Variants in SMG1 observed in about 807,000 individuals in gnomAD.
SMG1 encodes SMG1 nonsense mediated mRNA decay associated PI3K related kinase.
Under a neutral mutation model 419.9 loss-of-function variants are expected in SMG1, and 22 were observed. The ratio of observed to expected loss-of-function variants is 0.05; its 90% CI spans 0.04 to 0.07. The LOEUF is 0.07. Ranked by LOEUF, SMG1 falls within the 10% of genes least tolerant of loss-of-function variation. The pLI, the probability that SMG1 is intolerant of heterozygous loss-of-function variation, is 1.00. For missense variants in SMG1, 3,185 were observed against 4,342.0 expected (o/e 0.73, Z 7.49); for synonymous variants, 1,538 against 1,553.5 (o/e 0.99, Z 0.23).
chr16:18,827,109 T>C (rs1375028653), intron 55 of SMG1, among the ~76,000 whole-genome samples: 2 of 152,068 alleles, frequency 1.3e-5, no homozygotes, highest in Non-Finnish European at 2.9e-5. Context: ...TACTATAAGA[T>C]TCAGTTACCT....
intron 3 of SMG1, among the ~76,000 whole-genome samples, chr16:18,893,678 C>T (rs1410908847): frequency 6.6e-6 from 1 of 151,772 alleles, no homozygotes; most frequent in Non-Finnish European, 1.5e-5. Context: ...TGCTATTTAC[C>T]ATAATTAGCC....
At position 18,882,340 on chromosome 16, in the gene SMG1, TA is replaced by T; in HGVS notation, c.1120-3del. 1 of 1,580,774 alleles carries T rather than the reference TA, an allele frequency of 6.3e-7. No homozygotes were observed. Among genetic ancestry groups the T allele is most frequent in the Non-Finnish European group, 8.6e-7 (1 of 1,163,620 alleles). On this transcript the variant is annotated splice_polypyrimidine_tract_variant and splice_region_variant and intron_variant, in intron 9 of 62. Coordinates refer to ENST00000446231, the MANE Select transcript of SMG1 (RefSeq NM_015092.5). ...CCCAGAGGCCACATGGCTGAGGTCCTAGATGTGAATTCACAGCATTCTTAAT... is the reference window on the plus strand; with the variant it reads ...CCCAGAGGCCACATGGCTGAGGTCCTGATGTGAATTCACAGCATTCTTAAT...
chr16:18,859,791 C>A, intron 26 of SMG1, 88 bp from the exon 27 acceptor site: 2 of 813,440 alleles, frequency 2.5e-6, no homozygotes, highest in Non-Finnish European at 3.9e-6. Flanking sequence ...AACTAATCAC[C>A]AATGAACAGC....
intron 1 of SMG1, among the ~76,000 whole-genome samples, chr16:18,919,671 C>T (rs1379889102): frequency 0.013 from 1,280 of 101,746 alleles, 28 homozygotes; most frequent in African/African-American, 0.041. Context: ...CACACACACA[C>T]ACACACACAC....
At chr16:18,853,432 G>T in intron 31 of SMG1, 151 bp downstream of exon 31, 1 of 739,496 alleles carries the variant, frequency 1.4e-6, no homozygotes, top group Non-Finnish European at 2.0e-6. Flanking sequence ...TCCTAAATAT[G>T]TTTTAGTTAT....
intron 1 of SMG1, among the ~76,000 whole-genome samples, chr16:18,915,520 T>C (rs1480623675): frequency 1.3e-5 from 2 of 151,996 alleles, no homozygotes; most frequent in Non-Finnish European, 2.9e-5. Flanking sequence ...GACACAAATA[T>C]AGAGTGGATG....
chr16:18,849,457 G>C, intron 35 of SMG1, 79 bp from the exon 36 acceptor site: 4 of 1,309,764 alleles, frequency 3.1e-6, no homozygotes, highest in Non-Finnish European at 4.3e-6. Context: ...AGATCAAACA[G>C]ATAAAACGTG....
intron 9 of SMG1, 46 bp downstream of exon 9, chr16:18,884,024 T>C (rs905252008): frequency 1.2e-5 from 10 of 832,018 alleles, no homozygotes; most frequent in African/African-American, 1.8e-5. Context: ...CAATTTAAGA[T>C]TTTTTCTTAA....
Position 18,897,068 on chromosome 16 carries a change from A to T in SMG1, c.93-112T>A, listed in dbSNP as rs115691030. 2,792 of 710,134 alleles carry T rather than the reference A, an allele frequency of 3.9e-3. 75 individuals carry two copies. In the African/African-American group the frequency reaches 0.046, roughly 12 times the overall value. The allele number at this position is 710,134 out of a possible 1,614,324, so 44.0% of individuals were successfully genotyped here. A position where few individuals can be genotyped will look rare whatever the true frequency, so the allele number is the denominator to read the frequency against. ...ACATTTAACCATTACTATTTAGTGT[A>T]ATATGTACTATATATTATATGTAAG... is the stretch of plus-strand genomic sequence containing the variant. On this transcript the variant is annotated intron_variant, in intron 1 of 62. Coordinates refer to ENST00000446231, the MANE Select transcript of SMG1 (RefSeq NM_015092.5).
At chr16:18,812,947 G>T (rs1344238734) in intron 60 of SMG1, among the ~76,000 whole-genome samples, 2 of 152,024 alleles carry the variant, frequency 1.3e-5, no homozygotes. Flanking sequence ...GCGATAGTTT[G>T]CTGAGAATGA....
chr16:18,884,226 A>C (rs2036524714), intron 8 of SMG1, 59 bp from the exon 9 acceptor site: 1 of 809,750 alleles, frequency 1.2e-6, no homozygotes, highest in Non-Finnish European at 2.0e-6. Flanking sequence ...CAAAAAATCC[A>C]AATTAAAAAA....
chr16:18,808,119 A>G lies in SMG1; in HGVS notation c.*1450T>C, dbSNP rs1402750476. 1.3e-5 allele frequency: 2 copies of G among 152,188 alleles called. No homozygotes were observed. The highest frequency in any genetic ancestry group is 4.8e-5 in the African/African-American group (2 of 41,456). 9.4% of individuals were successfully genotyped at this position (152,188 alleles called of 1,614,324 possible). A position where few individuals can be genotyped will look rare whatever the true frequency, so the allele number is the denominator to read the frequency against. On this transcript the variant is annotated 3_prime_UTR_variant, in exon 63 of 63. Transcript: ENST00000446231. Reference sequence around the variant, plus strand: ...ATTGATACTTGATTTTAAGAACCCTATTCTAGTCTGGGTTTTTATTTTGGA... The same window carrying G: ...ATTGATACTTGATTTTAAGAACCCTGTTCTAGTCTGGGTTTTTATTTTGGA...
chr16:18,884,206 A>G (rs776534818), intron 8 of SMG1, 39 bp from the exon 9 acceptor site: 5 of 1,020,078 alleles, frequency 4.9e-6, no homozygotes, highest in South Asian at 1.4e-5. Flanking sequence ...GGTAGGGGGG[A>G]AAAAAACACC....
chr16:18,892,095 G>A (rs1332794794), intron 4 of SMG1, 123 bp downstream of exon 4: 4 of 736,882 alleles, frequency 5.4e-6, no homozygotes, highest in South Asian at 3.2e-5. Flanking sequence ...ACATATTAGA[G>A]AGCATTAAGT....
At chr16:18,848,677 T>A (rs2034407509) in intron 36 of SMG1, among the ~76,000 whole-genome samples, 1 of 152,094 alleles carries the variant, frequency 6.6e-6, no homozygotes, top group Admixed American at 6.6e-5. Context: ...TTTCTCCACG[T>A]CTTGGTGGAT....
intron 6 of SMG1, among the ~76,000 whole-genome samples, chr16:18,888,820 CTT>C (rs71141087): frequency 2.7e-4 from 30 of 111,984 alleles, no homozygotes; most frequent in Admixed American, 4.2e-4. Context: ...CAACATGTAT[CTT>C]TTTTTTTTTT....
intron 18 of SMG1, 119 bp downstream of exon 18, chr16:18,870,491 A>C: frequency 1.5e-6 from 1 of 678,218 alleles, no homozygotes; most frequent in South Asian, 2.0e-5. Flanking sequence ...ACTGACAAAC[A>C]GGGCCATAAA....
intron 60 of SMG1, among the ~76,000 whole-genome samples, chr16:18,814,048 T>TAAAAAA (rs2031740466): frequency 3.3e-5 from 3 of 91,006 alleles, no homozygotes; most frequent in South Asian, 3.4e-4. Context: ...AAAAAAAAAT[T>TAAAAAA]AAATTAAATT....
intron 1 of SMG1, among the ~76,000 whole-genome samples, chr16:18,909,959 A>G (rs369002193): frequency 2.0e-5 from 3 of 152,166 alleles, no homozygotes; most frequent in East Asian, 3.8e-4. Context: ...TCAGATTGAC[A>G]TAAGTGATTT....
Sources: allele counts gnomAD v4.1 joint callset (sites outside exome capture counted in the v4.1 genomes callset), GRCh38; gene constraint gnomAD v4.1.1; transcripts MANE v1.5; gene names NCBI Gene and HGNC (gene_info 2026-07-23, HGNC 2026-07-21).